LBHD1: variants seen among roughly 807,000 people sequenced by gnomAD.
The protein encoded by LBHD1 is LBH domain-containing protein 1.
In LBHD1, 28 loss-of-function variants were observed where a neutral mutation model predicts 31.1. The observed-to-expected ratio is 0.90, with a 90% confidence interval of 0.67 to 1.24. LBHD1 has a LOEUF of 1.24. LBHD1 is among the 50% of genes most tolerant of loss of function. The pLI, the probability that LBHD1 is intolerant of heterozygous loss-of-function variation, is 0.00. For synonymous variants in LBHD1, 105 were observed against 116.5 expected (o/e 0.90, Z 0.63); for missense variants, 350 against 323.0 (o/e 1.08, Z -0.64).
chr11:62,665,163 C>T, intron 4 of LBHD1, 190 bp from the exon 5 acceptor site: 2 of 898,136 alleles, frequency 2.2e-6, no homozygotes, highest in South Asian at 1.4e-5. Context: ...CCCCCCGGAG[C>T]TCCCATAGTC....
At position 62,671,730 on chromosome 11, in the gene LBHD1, G is replaced by A; in HGVS notation, c.-177C>T. On this transcript the variant is annotated 5_prime_UTR_variant, in exon 1 of 7. Transcript: ENST00000354588. Reference sequence around the variant, plus strand: ...GGGGAGCTCCCGTGGGCGCTCCGCTGGCTGTGCAGGCGGCCATGGATTCCT... The same window carrying A: ...GGGGAGCTCCCGTGGGCGCTCCGCTAGCTGTGCAGGCGGCCATGGATTCCT... The A allele has an allele frequency of 6.2e-7, 1 of 1,612,380 alleles. No individual in the cohort carries two copies. The highest frequency in any genetic ancestry group is 8.5e-7 in the Non-Finnish European group (1 of 1,179,260).
chr11:62,667,090 C>T (rs1220346052), intron 4 of LBHD1: 12 of 1,523,518 alleles, frequency 7.9e-6, no homozygotes, highest in Non-Finnish European at 1.1e-5. Flanking sequence ...TTTCTGTGGG[C>T]AAGGAGAGGG....
rs1944946330 is a variant in LBHD1, at chr11:62,671,670, G to A, written c.-117C>T. ...TAGGGCGCTCTAGCCTGCGCCAAGG[G>A]GTAGTGAGACCGCGCGGCAACAGCT... is the stretch of plus-strand genomic sequence containing the variant. On this transcript the variant is annotated 5_prime_UTR_variant, in exon 1 of 7. Transcript: ENST00000354588. 6.3e-7 allele frequency: 1 copy of A among 1,590,772 alleles called. No homozygotes were observed. Among genetic ancestry groups the A allele is most frequent in the South Asian group, 1.1e-5 (1 of 88,902 alleles).
intron 1 of LBHD1, chr11:62,670,676 G>A: frequency 6.5e-6 from 1 of 152,962 alleles, no homozygotes; most frequent in South Asian, 2.0e-4. Context: ...GCCGAGGTGG[G>A]CGGATTGGGC....
chr11:62,665,460 T>C (rs1461452016), intron 4 of LBHD1: 1 of 1,569,580 alleles, frequency 6.4e-7, no homozygotes, highest in Non-Finnish European at 8.6e-7. Flanking sequence ...GTGGTGCCGC[T>C]CCCCGTAATG....
Position 62,667,659 on chromosome 11 carries a change from ATCT to A in LBHD1, c.399_401del (p.Glu133del), listed in dbSNP as rs566996567. 3.4e-4 allele frequency: 545 copies of A among 1,614,066 alleles called. No homozygotes were observed. Among genetic ancestry groups the A allele is most frequent in the Middle Eastern group, 3.3e-4 (2 of 6,084 alleles). ...CTGTGTCCTCAAGAATCCAACAAGC[ATCT>A]TCTTCATCCTGGTCCTGCCCCCAGC... On this transcript the variant is annotated inframe_deletion, in exon 4 of 7. Transcript: ENST00000354588.
chr11:62,665,829 G>T, intron 4 of LBHD1: 1 of 1,601,138 alleles, frequency 6.2e-7, no homozygotes, highest in Non-Finnish European at 8.5e-7. Context: ...GGCTGGAGTA[G>T]GGTGGACGCT....
At position 62,665,044 on chromosome 11, in the gene LBHD1, C is replaced by T. The variant is rs907032848; in HGVS notation, c.539-71G>A. On this transcript the variant is annotated intron_variant, in intron 4 of 6. Transcript: ENST00000354588. ...ACCCGGGGCCCCTCCACCAGGCAGCCCCGGCCCCTCACTGATCCCATCTCG... is the reference window on the plus strand; with the variant it reads ...ACCCGGGGCCCCTCCACCAGGCAGCTCCGGCCCCTCACTGATCCCATCTCG... 2.5e-6 allele frequency: 4 copies of T among 1,592,462 alleles called. No individual in the cohort carries two copies. In the Admixed American group the frequency reaches 6.8e-5, roughly 27 times the overall value.
intron 5 of LBHD1, 85 bp from the exon 6 acceptor site, chr11:62,663,418 T>C: frequency 7.1e-7 from 1 of 1,415,592 alleles, no homozygotes; most frequent in Non-Finnish European, 9.7e-7. Flanking sequence ...AGAAAAAGTA[T>C]TAAATAGGCT....
In LBHD1 at chr11:62,672,220, GC is replaced by G; in HGVS notation, c.-668del. 8.4e-7 allele frequency: 1 copy of G among 1,187,786 alleles called. No homozygotes were observed. The highest frequency in any genetic ancestry group is 1.2e-6 in the Non-Finnish European group (1 of 851,814). The allele number at this position is 1,187,786 out of a possible 1,614,324, so 73.6% of individuals were successfully genotyped here. A position where few individuals can be genotyped will look rare whatever the true frequency, so the allele number is the denominator to read the frequency against. On this transcript the variant is annotated 5_prime_UTR_variant, in exon 1 of 7. Coordinates refer to ENST00000354588, the MANE Select transcript of LBHD1 (RefSeq NM_024099.5). ...CGGAGAGTCCGGACCGAGATACCAT[GC>G]CAGGACTCTCCGGGGTCCTGTGAGC...
chr11:62,665,914 G>GC (rs1418539573), intron 4 of LBHD1: 1 of 1,613,328 alleles, frequency 6.2e-7, no homozygotes, highest in South Asian at 1.1e-5. Flanking sequence ...CACTTGCCGA[G>GC]CCTGATGATG....
At chr11:62,665,948 T>C (rs1224673519) in intron 4 of LBHD1, 1 of 1,609,822 alleles carries the variant, frequency 6.2e-7, no homozygotes, top group Admixed American at 1.7e-5. Flanking sequence ...CCTTTGCGGG[T>C]AGGGAGGTGG....
chr11:62,664,873 G>C lies in LBHD1; in HGVS notation c.639C>G (p.His213Gln), dbSNP rs1944751502. The C allele has an allele frequency of 6.3e-7, 1 of 1,579,164 alleles. No homozygotes were observed. ...GRGCDRPRAD[H>Q]AAPPQEAGVQ... ...CGCCCGCTTCTTGAGGTGGTGCCGC[G>C]TGATCAGCCCTTGGTCTATCACAGC... Residue 213 changes from histidine to glutamine, a missense_variant, in exon 5 of 7, where the codon CAC becomes CAG. By Grantham distance (24) the His-to-Gln change is conservative. Transcript: ENST00000354588.
At chr11:62,670,251 G>C in intron 1 of LBHD1, 1 of 563,222 alleles carries the variant, frequency 1.8e-6, no homozygotes, top group South Asian at 2.9e-5. Flanking sequence ...TGGCAACAAG[G>C]GTAGGAGACA....
intron 4 of LBHD1, chr11:62,666,340 C>T (rs1040476719): frequency 5.1e-6 from 8 of 1,565,230 alleles, no homozygotes; most frequent in African/African-American, 4.0e-5. Context: ...TGTGTATATA[C>T]GACGTTTTTG....
chr11:62,666,830 G>A lies in LBHD1; in HGVS notation c.538+693C>T, dbSNP rs1331132452. 2 of 1,614,110 alleles carry A rather than the reference G, an allele frequency of 1.2e-6. No individual in the cohort carries two copies. Among genetic ancestry groups the A allele is most frequent in the Non-Finnish European group, 1.7e-6 (2 of 1,180,052 alleles). ...ACTGCTGGACAAAGGCACATGGGAT[G>A]CTGTTGCCCGGGGAGGTCTGCCTAG... On this transcript the variant is annotated intron_variant, in intron 4 of 6. Transcript: ENST00000354588.
rs1190923458 is a variant in LBHD1 at position 62,664,268 on chromosome 11, T to C, written c.663+581A>G. ...GTAAAAATAAGTTTACTTATAAAAA[T>C]CTGTGTGAATGTATAACATTACTTG... is the stretch of plus-strand genomic sequence containing the variant. On this transcript the variant is annotated intron_variant, in intron 5 of 6. Transcript: ENST00000354588. Among the ~76,000 whole-genome samples the C allele has an allele frequency of 3.3e-5, 5 of 151,144 alleles. No individual in the cohort carries two copies. In the East Asian group the frequency reaches 9.7e-4, roughly 29 times the overall value.
intron 4 of LBHD1, chr11:62,666,067 G>A: frequency 8.5e-7 from 1 of 1,170,380 alleles, no homozygotes; most frequent in Non-Finnish European, 1.2e-6. Context: ...CCTACGGTGG[G>A]CCGTGCGTGG....
In LBHD1 at chr11:62,662,998, A is replaced by C; in HGVS notation, c.*131T>G. The C allele has an allele frequency of 7.2e-7, 1 of 1,397,110 alleles. No individual in the cohort carries two copies. The highest frequency in any genetic ancestry group is 9.9e-7 in the Non-Finnish European group (1 of 1,006,058). The allele number at this position is 1,397,110 out of a possible 1,614,324, so 86.5% of individuals were successfully genotyped here. A position where few individuals can be genotyped will look rare whatever the true frequency, so the allele number is the denominator to read the frequency against. ...GCTTTTGTCAAAGTCCTCTGAAACA[A>C]CCACTGAGTCTGAAGGCTGGCTCCA... On this transcript the variant is annotated 3_prime_UTR_variant, in exon 7 of 7. Coordinates refer to ENST00000354588, the MANE Select transcript of LBHD1 (RefSeq NM_024099.5).
Sources: gnomAD v4.1 joint callset for allele counts (sites outside exome capture counted in the v4.1 genomes callset) on GRCh38, gnomAD v4.1.1 for gene constraint, MANE v1.5 for transcripts, NCBI Gene and HGNC (gene_info 2026-07-23, HGNC 2026-07-21) for gene names.